VPS53: variants seen among roughly 807,000 people sequenced by gnomAD.
VPS53 encodes vacuolar protein sorting-associated protein 53 homolog.
VPS53 carries 70 observed loss-of-function variants against 107.0 expected under a neutral mutation model. That is an observed-to-expected ratio of 0.65 (90% CI 0.54 to 0.80). The LOEUF (loss-of-function observed/expected upper bound fraction) is 0.80, where lower values mean the gene tolerates loss of function less well. Among genes scored for constraint, VPS53 ranks in the 30% least tolerant of loss-of-function variants. VPS53 has a pLI of 0.00. For synonymous variants in VPS53, 409 were observed against 393.3 expected (o/e 1.04, Z -0.47); for missense variants, 917 against 1,049.4 (o/e 0.87, Z 1.74).
At chr17:633,755 C>G (rs1442546102) in intron 7 of VPS53, among the ~76,000 whole-genome samples, 1 of 152,210 alleles carries the variant, frequency 6.6e-6, no homozygotes, top group African/African-American at 2.4e-5. Context: ...CAGGGCCATA[C>G]GTCTAGAGCT....
At chr17:574,798 T>A (rs962443509) in intron 13 of VPS53, among the ~76,000 whole-genome samples, 1 of 152,190 alleles carries the variant, frequency 6.6e-6, no homozygotes, top group African/African-American at 2.4e-5. Context: ...CTGGACCCAG[T>A]AACTTTTAAG....
At chr17:708,834 T>G (rs1258486534) in intron 2 of VPS53, among the ~76,000 whole-genome samples, 1 of 152,236 alleles carries the variant, frequency 6.6e-6, no homozygotes, top group Non-Finnish European at 1.5e-5. Context: ...GACTAATGAT[T>G]GATAATATCC....
At position 657,841 on chromosome 17, in the gene VPS53, A is replaced by G. The variant is rs189034937; in HGVS notation, c.373-1888T>C. On this transcript the variant is annotated intron_variant, in intron 5 of 21. Transcript: ENST00000437048. Reference sequence around the variant, plus strand: ...TCGGCCGTTGAGGTCGTGGATAGATATATCCTCATTAAAGTGAGAAACTCG... The same window carrying G: ...TCGGCCGTTGAGGTCGTGGATAGATGTATCCTCATTAAAGTGAGAAACTCG... Among the ~76,000 whole-genome samples, 399 of 152,228 alleles carry G rather than the reference A, an allele frequency of 2.6e-3. 5 individuals are homozygous for G. The highest frequency in any genetic ancestry group is 3.4e-3 in the Non-Finnish European group (233 of 68,010).
chr17:661,777 T>G (rs1165495032), intron 5 of VPS53, 32 bp downstream of exon 5: 3 of 1,541,496 alleles, frequency 1.9e-6, no homozygotes, highest in Non-Finnish European at 1.8e-6. Context: ...CCTCTTTTGG[T>G]GCAAAAAGGT....
At chr17:679,375 G>GT (rs2143774450) in intron 4 of VPS53, among the ~76,000 whole-genome samples, 1 of 152,054 alleles carries the variant, frequency 6.6e-6, no homozygotes, top group African/African-American at 2.4e-5. Context: ...TTAGCCAGGC[G>GT]TGGTGGCGGC....
chr17:671,214 G>C (rs1303288073), intron 4 of VPS53, among the ~76,000 whole-genome samples: 1 of 137,670 alleles, frequency 7.3e-6, no homozygotes, highest in Non-Finnish European at 1.5e-5. Context: ...CTGGGCAACA[G>C]AGTGAGACGG....
chr17:582,139 G>A (rs1041572111), intron 13 of VPS53, among the ~76,000 whole-genome samples: 1 of 147,962 alleles, frequency 6.8e-6, no homozygotes, highest in Non-Finnish European at 1.5e-5. Flanking sequence ...TGAGTTCCAG[G>A]AGAACTTCCC....
intron 2 of VPS53, among the ~76,000 whole-genome samples, chr17:699,596 G>A (rs1973119307): frequency 6.6e-6 from 1 of 151,866 alleles, no homozygotes; most frequent in Non-Finnish European, 1.5e-5. Context: ...AAGTTTCACT[G>A]GAACACAGCC....
rs1908516365 is a variant in VPS53 at position 519,038 on chromosome 17, A to G, written c.*90T>C. ...AGGAAGTTTGAAGACCGACGATGTG[A>G]GAGTGCCGGGGAGCACAGGAGAGGT... On this transcript the variant is annotated 3_prime_UTR_variant, in exon 22 of 22. Coordinates refer to ENST00000437048, the MANE Select transcript of VPS53 (RefSeq NM_001128159.3). This position sits in a 1 kb window ranked among gnomAD's most constrained non-coding sequence, Gnocchi z 5.0. 7.4e-7 allele frequency: 1 copy of G among 1,356,804 alleles called. No individual in the cohort carries two copies. The highest frequency in any genetic ancestry group is 9.8e-7 in the Non-Finnish European group (1 of 1,022,910). The allele number at this position is 1,356,804 out of a possible 1,614,324, so 84.0% of individuals were successfully genotyped here. A position where few individuals can be genotyped will look rare whatever the true frequency, so the allele number is the denominator to read the frequency against.
chr17:702,336 G>A (rs1174465008), intron 2 of VPS53, among the ~76,000 whole-genome samples: 3 of 152,010 alleles, frequency 2.0e-5, no homozygotes, highest in African/African-American at 4.8e-5. Flanking sequence ...CCTGGGTGAT[G>A]GGTGACAATC....
intron 17 of VPS53, among the ~76,000 whole-genome samples, chr17:550,448 T>TTCTACCA (rs1469796925): frequency 6.6e-6 from 1 of 152,218 alleles, no homozygotes; most frequent in African/African-American, 2.4e-5. Flanking sequence ...AATGGCTCAA[T>TTCTACCA]TCTACCACTA....
At chr17:690,775 A>G (rs772497416) in intron 4 of VPS53, among the ~76,000 whole-genome samples, 1 of 147,522 alleles carries the variant, frequency 6.8e-6, no homozygotes, top group African/African-American at 2.4e-5. Flanking sequence ...CAATGTCTAC[A>G]ATCAAAAATC....
Position 650,486 on chromosome 17 carries a change from G to A in VPS53, c.608+2805C>T, listed in dbSNP as rs1403900496. Among the ~76,000 whole-genome samples the A allele has an allele frequency of 2.0e-5, 3 of 147,100 alleles. No individual in the cohort carries two copies. In the East Asian group the frequency reaches 5.9e-4, roughly 29 times the overall value. ...CACTCCAGCCTGGGCAACACAGCAA[G>A]ACTCCGTCTCAAAAAAACAAAACAA... is the stretch of plus-strand genomic sequence containing the variant. On this transcript the variant is annotated intron_variant, in intron 7 of 21. Transcript: ENST00000437048.
chr17:582,961 T>C (rs1452372780), intron 13 of VPS53, among the ~76,000 whole-genome samples: 2 of 146,472 alleles, frequency 1.4e-5, no homozygotes, highest in Non-Finnish European at 3.0e-5. Context: ...CCTTAGAACC[T>C]AATGCGTTCC....
chr17:631,674 T>G, intron 7 of VPS53, 46 bp from the exon 8 acceptor site: 1 of 1,570,226 alleles, frequency 6.4e-7, no homozygotes, highest in Non-Finnish European at 8.8e-7. Context: ...CATATCCTTA[T>G]GTAACTACAC....
chr17:551,836 C>A lies in VPS53; in HGVS notation c.1866+36G>T, dbSNP rs367547075. The A allele has an allele frequency of 3.9e-6, 6 of 1,539,218 alleles. No individual in the cohort carries two copies. The African/African-American group carries it at 5.5e-5, about 14-fold the overall frequency. ...AGTAGAAGCCACCTTGGGCTGCTCTCGTTAGTTTGTAGGATGCCATTTCCC... is the reference window on the plus strand; with the variant it reads ...AGTAGAAGCCACCTTGGGCTGCTCTAGTTAGTTTGTAGGATGCCATTTCCC... On this transcript the variant is annotated intron_variant, in intron 17 of 21. Coordinates refer to ENST00000437048, the MANE Select transcript of VPS53 (RefSeq NM_001128159.3).
At chr17:580,224 C>A (rs994220282) in intron 13 of VPS53, among the ~76,000 whole-genome samples, 1 of 151,156 alleles carries the variant, frequency 6.6e-6, no homozygotes, top group Non-Finnish European at 1.5e-5. Flanking sequence ...CAACTTCCCT[C>A]AGAAACTAAT....
At chr17:705,717 T>A (rs1428735297) in intron 2 of VPS53, 3 of 152,124 alleles carry the variant, frequency 2.0e-5, no homozygotes, top group Admixed American at 6.6e-5. Flanking sequence ...CCCAACCTGG[T>A]GACAAAGCAA....
chr17:699,888 A>T (rs887284195), intron 2 of VPS53, among the ~76,000 whole-genome samples: 2 of 152,230 alleles, frequency 1.3e-5, no homozygotes, highest in Admixed American at 1.3e-4. Context: ...GATTTCACTA[A>T]CATAATTCTC....
Sources: gnomAD v4.1 joint callset for allele counts (sites outside exome capture counted in the v4.1 genomes callset) on GRCh38, gnomAD v4.1.1 for gene constraint, Gnocchi (gnomAD v3.1) non-coding constraint, MANE v1.5 for transcripts, NCBI Gene and HGNC (gene_info 2026-07-23, HGNC 2026-07-21) for gene names.